The following DNAH9 variants were observed in gnomAD, a reference collection of about 807,000 sequenced individuals.
DNAH9 encodes the protein DNAH9 variant protein.
Under a neutral mutation model 471.6 loss-of-function variants are expected in DNAH9, and 345 were observed. The observed-to-expected ratio is 0.73, with a 90% CI of 0.67 to 0.80. The LOEUF (loss-of-function observed/expected upper bound fraction) is 0.80. Ranked by LOEUF, DNAH9 falls within the 30% of genes least tolerant of loss-of-function variation. DNAH9 has a pLI of 0.00. For missense variants in DNAH9, 5,407 were observed against 5,609.2 expected (o/e 0.96, Z 1.15); for synonymous variants, 2,093 against 2,123.6 (o/e 0.99, Z 0.40).
chr17:11,879,984 C>T, intron 53 of DNAH9, 94 bp from the exon 54 acceptor site: 1 of 1,441,714 alleles, frequency 6.9e-7, no homozygotes, highest in South Asian at 1.3e-5. Context: ...AACTATACCA[C>T]CATGTCTTAG....
intron 67 of DNAH9, among the ~76,000 whole-genome samples, chr17:11,948,224 C>CT (rs1211322234): frequency 0.053 from 4,621 of 86,730 alleles, 474 homozygotes; most frequent in African/African-American, 0.13. Flanking sequence ...TAATCTGGCT[C>CT]TTTTTTTTTT....
intron 18 of DNAH9, 106 bp from the exon 19 acceptor site, chr17:11,680,617 A>G: frequency 1.1e-6 from 1 of 908,072 alleles, no homozygotes; most frequent in Non-Finnish European, 1.7e-6. Flanking sequence ...ACACCATTGT[A>G]CCATCTTGTA....
chr17:11,881,164 T>C, intron 54 of DNAH9, 45 bp from the exon 55 acceptor site: 1 of 1,601,708 alleles, frequency 6.2e-7, no homozygotes, highest in South Asian at 1.1e-5. Context: ...CCAACCAAAT[T>C]TTGCAGGAAG....
At chr17:11,668,492 C>G (rs1200047211) in intron 15 of DNAH9, among the ~76,000 whole-genome samples, 1 of 151,996 alleles carries the variant, frequency 6.6e-6, no homozygotes, top group Non-Finnish European at 1.5e-5. Flanking sequence ...TGGTGACACC[C>G]TATCTCTACT....
At chr17:11,653,541 C>T (rs1381499902) in intron 14 of DNAH9, among the ~76,000 whole-genome samples, 1 of 152,200 alleles carries the variant, frequency 6.6e-6, no homozygotes, top group Non-Finnish European at 1.5e-5. Flanking sequence ...AAGACTGAAG[C>T]TTCCTTGTGA....
chr17:11,645,009 T>G (rs1597426638), intron 11 of DNAH9, among the ~76,000 whole-genome samples: 1 of 152,330 alleles, frequency 6.6e-6, no homozygotes, highest in East Asian at 1.9e-4. Context: ...AACAGCTGCT[T>G]ACTCAGCAGA....
chr17:11,875,033 C>T lies in DNAH9; in HGVS notation c.10327C>T (p.Leu3443Phe). ...CGTGGCTGCCTGGCAGAACGAGGGC[C>T]TCCCAGCCGACCGCATGTCCGTGGA... ...ADVAAWQNEG[L>F]PADRMSVENA... is the part of the protein sequence containing the mutation. The change falls in exon 53 of 69, where the codon CTC (leucine) becomes TTC (phenylalanine). Residue 3443 changes from leucine to phenylalanine, a missense_variant. This residue lies in a region of DNAH9 where 4,636 missense variants were observed against 4,900.3 expected (regional missense o/e 0.95). Transcript: ENST00000262442. The T allele has an allele frequency of 6.2e-7, 1 of 1,614,152 alleles. No homozygotes were observed. The highest frequency in any genetic ancestry group is 8.5e-7 in the Non-Finnish European group (1 of 1,180,024).
chr17:11,833,288 A>G (rs895511811), intron 48 of DNAH9, among the ~76,000 whole-genome samples: 1 of 152,224 alleles, frequency 6.6e-6, no homozygotes, highest in Admixed American at 6.5e-5. Flanking sequence ...TTCAACTTTA[A>G]TCTGGCCATC....
chr17:11,881,530 C>T, intron 55 of DNAH9, 117 bp downstream of exon 55: 1 of 992,890 alleles, frequency 1.0e-6, no homozygotes, highest in Non-Finnish European at 1.4e-6. Flanking sequence ...TTCTGCTAGA[C>T]TCTGGAAGAC....
intron 27 of DNAH9, among the ~76,000 whole-genome samples, chr17:11,727,140 C>T (rs2075168738): frequency 6.7e-6 from 1 of 149,270 alleles, no homozygotes; most frequent in Non-Finnish European, 1.5e-5. Context: ...TTAATGACGT[C>T]TCCTTGCCAA....
chr17:11,826,455 G>GTTTTTTTTTTTTTTTTTTTTTTTTTT (rs36037678), intron 48 of DNAH9, among the ~76,000 whole-genome samples: 1 of 78,970 alleles, frequency 1.3e-5, no homozygotes. Flanking sequence ...CTTTTTCTTG[G>GTTTTTTTTTTTTTTTTTTTTTTTTTT]TTTTTTTTTT....
chr17:11,831,751 C>G (rs1294503112), intron 48 of DNAH9, among the ~76,000 whole-genome samples: 1 of 152,184 alleles, frequency 6.6e-6, no homozygotes, highest in African/African-American at 2.4e-5. Context: ...CAGTTTTATG[C>G]CCAAGCTGAC....
intron 48 of DNAH9, among the ~76,000 whole-genome samples, chr17:11,831,860 C>T (rs777585174): frequency 2.0e-5 from 3 of 152,174 alleles, no homozygotes; most frequent in Non-Finnish European, 4.4e-5. Context: ...TGTCATCCCA[C>T]TCAGTCAGCA....
intron 42 of DNAH9, 57 bp downstream of exon 42, chr17:11,793,721 A>G: frequency 7.8e-7 from 1 of 1,277,644 alleles, no homozygotes; most frequent in Non-Finnish European, 1.0e-6. Flanking sequence ...ATAATTATAC[A>G]GATGATCACC....
chr17:11,884,712 A>C (rs1177879722), intron 56 of DNAH9: 1 of 376,852 alleles, frequency 2.7e-6, no homozygotes, highest in Non-Finnish European at 5.5e-6. Flanking sequence ...ACATTGGGTC[A>C]ACAGCAGGGA....
At chr17:11,601,505 A>G (rs1309270623) in intron 1 of DNAH9, among the ~76,000 whole-genome samples, 1 of 152,202 alleles carries the variant, frequency 6.6e-6, no homozygotes, top group Non-Finnish European at 1.5e-5. Flanking sequence ...TTTTTGCCCC[A>G]TGTAAATGTA....
chr17:11,652,280 C>CTTTTTTTTTTTTT (rs11450398), intron 13 of DNAH9, among the ~76,000 whole-genome samples: 1 of 79,148 alleles, frequency 1.3e-5, no homozygotes, highest in Non-Finnish European at 2.2e-5. Context: ...TAAGGGTAGG[C>CTTTTTTTTTTTTT]TTTTTTTTTT....
rs752732024 is a variant in DNAH9 at position 11,738,847 on chromosome 17, G to C, written c.5815-33G>C. On this transcript the variant is annotated intron_variant, in intron 28 of 68. Coordinates refer to ENST00000262442, the MANE Select transcript of DNAH9 (RefSeq NM_001372.4). ...ATGATCCCTCCACTAAAAGGCAATT[G>C]AGGAATTTCTCGCTGATTGATTGGT... The C allele has an allele frequency of 1.4e-5, 22 of 1,607,120 alleles. No homozygotes were observed. The Admixed American group carries it at 3.0e-4, about 22-fold the overall frequency.
chr17:11,640,371 C>T lies in DNAH9; in HGVS notation c.1888C>T (p.Arg630Cys), dbSNP rs114346791. 4.0e-4 allele frequency: 643 copies of T among 1,608,512 alleles called. 3 individuals carry two copies. The African/African-American group carries it at 7.5e-3, about 19-fold the overall frequency. The stretch of plus-strand genomic sequence containing the variant: ...CCAGGGTCCTTTCAGCAACTTTGGA[C>T]GCATCACACACCCGTGAGTATTGTG... ...RIQGPFSNFG[R>C]ITHPCMESAE... Residue 630 changes from arginine (R) to cysteine (C), a missense_variant, in exon 10 of 69, where the codon CGC (arginine) becomes TGC (cysteine). Arg to Cys is a radical substitution (Grantham distance 180). Coordinates refer to ENST00000262442, the MANE Select transcript of DNAH9 (RefSeq NM_001372.4).
Sources: gnomAD v4.1 joint callset for allele counts (sites outside exome capture counted in the v4.1 genomes callset) on GRCh38, gnomAD v4.1.1 for gene constraint, gnomAD v4.1.1 regional missense constraint, MANE v1.5 for transcripts, NCBI Gene and HGNC (gene_info 2026-07-23, HGNC 2026-07-21) for gene names.